SPNS3: variants seen among roughly 807,000 people sequenced by gnomAD.
SPNS3 encodes protein spinster homolog 3.
SPNS3 carries 51 observed loss-of-function variants against 54.4 expected under a neutral mutation model. The observed-to-expected ratio is 0.94, with a 90% CI of 0.75 to 1.18. The LOEUF (loss-of-function observed/expected upper bound fraction) is 1.18, where lower values mean the gene tolerates loss of function less well. SPNS3 is among the 50% of genes most tolerant of loss of function. SPNS3 has a pLI of 0.00. For missense variants in SPNS3, 669 were observed against 677.4 expected, an observed-to-expected ratio of 0.99 and a Z score of 0.14; for synonymous variants, 309 against 294.7, an observed-to-expected ratio of 1.05 and a Z score of -0.50.
Position 4,449,381 on chromosome 17 carries a change from C to T in SPNS3, c.917C>T (p.Pro306Leu). ...PPCFQEPCSN[P>L]DSLIFGALTI... ...TGCTTCCAGGAGCCGTGCAGCAACCCCGACAGGTGAGGGCATCCGGGGGCC... is the reference window on the plus strand; with the variant it reads ...TGCTTCCAGGAGCCGTGCAGCAACCTCGACAGGTGAGGGCATCCGGGGGCC... The change falls in exon 7 of 12, where the codon CCC (proline) becomes CTC (leucine). Residue 306 changes from proline to leucine, a missense_variant. By Grantham distance (98) the Pro-to-Leu change is moderately conservative (BLOSUM62 -3). Transcript: ENST00000355530. 6 of 1,594,556 alleles carry T rather than the reference C, an allele frequency of 3.8e-6. No individual in the cohort carries two copies. Among genetic ancestry groups the T allele is most frequent in the Non-Finnish European group, 5.1e-6 (6 of 1,175,660 alleles).
At chr17:4,446,466 GC>G (rs1970990395) in intron 4 of SPNS3, 2 of 493,290 alleles carry the variant, frequency 4.1e-6, no homozygotes, top group East Asian at 3.2e-5. Flanking sequence ...CGGCAGTGTG[GC>G]CCACCCAGGG....
At chr17:4,485,686 G>A (rs112381569) in intron 9 of SPNS3, among the ~76,000 whole-genome samples, 28 of 152,272 alleles carry the variant, frequency 1.8e-4, no homozygotes, top group African/African-American at 6.0e-4. Flanking sequence ...GTGAGCCACC[G>A]CGCCTGGCCC....
chr17:4,447,717 T>C (rs1364345013), intron 5 of SPNS3, among the ~76,000 whole-genome samples: 1 of 152,146 alleles, frequency 6.6e-6, no homozygotes. Context: ...TCCCCGTCCT[T>C]GGGGTTTGAG....
chr17:4,469,929 C>A (rs1281522863), intron 8 of SPNS3, among the ~76,000 whole-genome samples: 1 of 152,058 alleles, frequency 6.6e-6, no homozygotes, highest in Non-Finnish European at 1.5e-5. Context: ...AAGAAAATAA[C>A]CGTTATTCAC....
intron 8 of SPNS3, among the ~76,000 whole-genome samples, chr17:4,476,740 C>T (rs1053737796): frequency 1.3e-5 from 2 of 152,162 alleles, no homozygotes; most frequent in Admixed American, 1.3e-4. Context: ...CTGAGGGAGA[C>T]CCACCTGCCC....
intron 8 of SPNS3, among the ~76,000 whole-genome samples, chr17:4,456,358 C>T (rs1482275484): frequency 6.6e-6 from 1 of 152,208 alleles, no homozygotes; most frequent in East Asian, 1.9e-4. Context: ...TGAAGGTGTG[C>T]TGGCACCTCT....
At chr17:4,455,482 G>C (rs1323354006) in intron 8 of SPNS3, among the ~76,000 whole-genome samples, 1 of 152,186 alleles carries the variant, frequency 6.6e-6, no homozygotes, top group Non-Finnish European at 1.5e-5. Context: ...TACTTTGTGG[G>C]CGTTTTGGGG....
At chr17:4,450,604 A>AC (rs1555529887) in intron 7 of SPNS3, among the ~76,000 whole-genome samples, 3,118 of 147,006 alleles carry the variant, frequency 0.021, 114 homozygotes, top group African/African-American at 0.074. Context: ...TATTTTATTT[A>AC]TTTTTTTTTG....
intron 8 of SPNS3, 70 bp from the exon 9 acceptor site, chr17:4,478,502 G>T: frequency 7.1e-7 from 1 of 1,411,364 alleles, no homozygotes; most frequent in Non-Finnish European, 9.8e-7. Context: ...CTCTCCACAG[G>T]TGGGAAGCAA....
At chr17:4,458,586 C>CCTTCCT (rs1971391358) in intron 8 of SPNS3, among the ~76,000 whole-genome samples, 1 of 66,722 alleles carries the variant, frequency 1.5e-5, no homozygotes, top group African/African-American at 5.2e-5. Context: ...TCTTCCTTCC[C>CCTTCCT]TCCTTTCTTT....
At chr17:4,469,339 G>A (rs137993560) in intron 8 of SPNS3, among the ~76,000 whole-genome samples, 8,565 of 148,992 alleles carry the variant, frequency 0.057, 303 homozygotes, top group Middle Eastern at 0.13. Flanking sequence ...CGCCTGCCTC[G>A]GCCTCCCAAA....
At chr17:4,451,840 TG>T (rs983465399) in intron 7 of SPNS3, among the ~76,000 whole-genome samples, 41 of 142,352 alleles carry the variant, frequency 2.9e-4, no homozygotes, top group African/African-American at 1.1e-3. Context: ...AGCTAATTTT[TG>T]TATTTTTTTT....
intron 7 of SPNS3, among the ~76,000 whole-genome samples, chr17:4,450,842 G>A (rs1022758219): frequency 2.7e-5 from 4 of 148,380 alleles, no homozygotes; most frequent in East Asian, 2.0e-4. Flanking sequence ...TCCTGACCTC[G>A]AATGACTGGC....
chr17:4,453,219 T>A lies in SPNS3; in HGVS notation c.1113+14T>A. 6.2e-7 allele frequency: 1 copy of A among 1,605,640 alleles called. No homozygotes were observed. The highest frequency in any genetic ancestry group is 8.5e-7 in the Non-Finnish European group (1 of 1,175,534). ...CTGGCCTCCTATGTAAGTGAGAGCC[T>A]CTATGGAGGTGGGGACAGGGTTGGG... On this transcript the variant is annotated intron_variant, in intron 8 of 11. Transcript: ENST00000355530.
intron 8 of SPNS3, among the ~76,000 whole-genome samples, chr17:4,457,299 G>A (rs1446862327): frequency 6.6e-6 from 1 of 152,228 alleles, no homozygotes; most frequent in Non-Finnish European, 1.5e-5. Flanking sequence ...GGCTGAGGCT[G>A]GAGAATTGTT....
chr17:4,473,429 A>C (rs1597336966), intron 8 of SPNS3, among the ~76,000 whole-genome samples: 5 of 134,606 alleles, frequency 3.7e-5, no homozygotes, highest in East Asian at 2.2e-4. Context: ...AGAGAGTCTC[A>C]CTCTTTTGCC....
intron 8 of SPNS3, among the ~76,000 whole-genome samples, chr17:4,474,326 A>T (rs1431656081): frequency 3.3e-5 from 5 of 152,242 alleles, no homozygotes; most frequent in Non-Finnish European, 5.9e-5. Context: ...CAGACGGTGC[A>T]GCAGCTTGCT....
intron 8 of SPNS3, among the ~76,000 whole-genome samples, chr17:4,457,410 A>G (rs1352162218): frequency 6.6e-6 from 1 of 152,152 alleles, no homozygotes; most frequent in Non-Finnish European, 1.5e-5. Flanking sequence ...CAAACAAACA[A>G]TCAACCTCCA....
intron 1 of SPNS3, among the ~76,000 whole-genome samples, chr17:4,434,727 C>T (rs559565072): frequency 6.6e-6 from 1 of 151,412 alleles, no homozygotes; most frequent in Non-Finnish European, 1.5e-5. Context: ...AGGCTGGTCT[C>T]GAACTCCTGA....
Sources: gnomAD v4.1 joint callset for allele counts (sites outside exome capture counted in the v4.1 genomes callset) on GRCh38, gnomAD v4.1.1 for gene constraint, MANE v1.5 for transcripts, NCBI Gene and HGNC (gene_info 2026-07-23, HGNC 2026-07-21) for gene names.